Variants in PRKG1 observed in about 807,000 individuals in gnomAD.
PRKG1 encodes the protein cGMP-dependent protein kinase 1.
PRKG1 carries 35 observed loss-of-function variants against 88.1 expected under a neutral mutation model. The ratio of observed to expected loss-of-function variants is 0.40; its 90% confidence interval spans 0.30 to 0.53. The LOEUF is 0.53. PRKG1 is among the 20% of genes least tolerant of loss of function. The probability of loss-of-function intolerance (pLI) is 0.59; values close to 1 mark genes in which losing one functional copy is unlikely to be tolerated. For synonymous variants in PRKG1, 303 were observed against 292.5 expected (o/e 1.04, Z -0.37); for missense variants, 540 against 839.8 (o/e 0.64, Z 4.41).
intron 5 of PRKG1, among the ~76,000 whole-genome samples, chr10:52,032,793 T>C (rs866967227): frequency 6.6e-6 from 1 of 152,150 alleles, no homozygotes; most frequent in African/African-American, 2.4e-5. Context: ...AAATCTGTGA[T>C]CACTACACTT....
chr10:52,060,441 A>G (rs1238373726), intron 6 of PRKG1, among the ~76,000 whole-genome samples: 1 of 151,918 alleles, frequency 6.6e-6, no homozygotes, highest in Non-Finnish European at 1.5e-5. Flanking sequence ...CACCATAAAG[A>G]TGATTTAGAC....
chr10:52,059,517 T>A (rs150565186), intron 6 of PRKG1, among the ~76,000 whole-genome samples: 90 of 151,484 alleles, frequency 5.9e-4, no homozygotes, highest in African/African-American at 2.0e-3. Flanking sequence ...TAATGCTGAG[T>A]AAGAAAAAAA....
chr10:51,303,174 A>G (rs1840938318), intron 2 of PRKG1, among the ~76,000 whole-genome samples: 1 of 152,180 alleles, frequency 6.6e-6, no homozygotes, highest in Non-Finnish European at 1.5e-5. Context: ...TATTAACAAA[A>G]TACCATTCTC....
chr10:52,161,871 G>A lies in PRKG1; in HGVS notation c.1002-18G>A, dbSNP rs770308102. 6 of 1,610,010 alleles carry A rather than the reference G, an allele frequency of 3.7e-6. No homozygotes were observed. The Admixed American group carries it at 1.0e-4, about 27-fold the overall frequency. On this transcript the variant is annotated intron_variant, in intron 8 of 17. Coordinates refer to ENST00000373980, the MANE Select transcript of PRKG1 (RefSeq NM_006258.4). ...TATTTTGTAGAAGATTAATCACTGT[G>A]CTTTTTTCGTCTGACAGCTCTTTTA...
At chr10:51,440,208 T>A (rs1839060750) in intron 2 of PRKG1, among the ~76,000 whole-genome samples, 1 of 151,790 alleles carries the variant, frequency 6.6e-6, no homozygotes, top group African/African-American at 2.4e-5. Flanking sequence ...TTGATTTTTT[T>A]TTTAAGTAAA....
chr10:51,752,224 T>G (rs1043172985), intron 3 of PRKG1, among the ~76,000 whole-genome samples: 3 of 152,202 alleles, frequency 2.0e-5, no homozygotes, highest in Admixed American at 2.0e-4. Context: ...TTAGTACTTG[T>G]GTCACTTCTC....
At chr10:51,053,781 T>G (rs1460314601) in intron 1 of PRKG1, among the ~76,000 whole-genome samples, 1 of 92,424 alleles carries the variant, frequency 1.1e-5, no homozygotes, top group Non-Finnish European at 2.7e-5. Flanking sequence ...TTTTTTTGTT[T>G]TTTTTTTTTT....
At chr10:51,936,091 C>T (rs1235934336) in intron 5 of PRKG1, among the ~76,000 whole-genome samples, 1 of 151,802 alleles carries the variant, frequency 6.6e-6, no homozygotes, top group Non-Finnish European at 1.5e-5. Context: ...CCTTGTTTCC[C>T]TCCCTTTTTA....
chr10:51,891,794 A>G (rs1347901519), intron 4 of PRKG1, among the ~76,000 whole-genome samples: 2 of 152,232 alleles, frequency 1.3e-5, no homozygotes, highest in Non-Finnish European at 2.9e-5. Flanking sequence ...ATATTTCAAT[A>G]AAATTTGATT....
At chr10:50,996,290 A>G (rs1362480995) in intron 1 of PRKG1, among the ~76,000 whole-genome samples, 2 of 152,210 alleles carry the variant, frequency 1.3e-5, no homozygotes, top group Non-Finnish European at 2.9e-5. Flanking sequence ...TGTCACTACT[A>G]GGAAATGCCA....
chr10:52,035,175 C>CAG, intron 5 of PRKG1, among the ~76,000 whole-genome samples: 1 of 152,180 alleles, frequency 6.6e-6, no homozygotes, highest in East Asian at 1.9e-4. Context: ...GTGGCCTTCT[C>CAG]AGACCCTGTA....
intron 2 of PRKG1, among the ~76,000 whole-genome samples, chr10:51,344,031 C>A (rs1236053136): frequency 6.6e-6 from 1 of 152,136 alleles, no homozygotes; most frequent in Non-Finnish European, 1.5e-5. Context: ...ATGTTGTGGA[C>A]TCTGTATTAG....
chr10:52,171,990 G>A (rs1425430433), intron 9 of PRKG1, among the ~76,000 whole-genome samples: 1 of 150,018 alleles, frequency 6.7e-6, no homozygotes, highest in Middle Eastern at 3.2e-3. Flanking sequence ...TTTTAGTAGA[G>A]GCGGGGTTTC....
At chr10:51,572,217 A>G (rs531552205) in intron 3 of PRKG1, among the ~76,000 whole-genome samples, 2 of 151,938 alleles carry the variant, frequency 1.3e-5, no homozygotes, top group Admixed American at 1.3e-4. Flanking sequence ...AATCTGAGCT[A>G]TTTATCAGAA....
At chr10:51,670,752 ATAAAT>A (rs1564599562) in intron 3 of PRKG1, among the ~76,000 whole-genome samples, 15 of 79,952 alleles carry the variant, frequency 1.9e-4, no homozygotes, top group African/African-American at 5.1e-4. Flanking sequence ...AAATAAATAA[ATAAAT>A]AAATAAATAA....
chr10:51,367,562 T>A (rs995974482), intron 2 of PRKG1, among the ~76,000 whole-genome samples: 4 of 151,966 alleles, frequency 2.6e-5, no homozygotes, highest in Admixed American at 2.0e-4. Context: ...TGATAGATAC[T>A]ATGTTTTCCT....
intron 3 of PRKG1, among the ~76,000 whole-genome samples, chr10:51,670,502 C>T (rs1231308061): frequency 6.6e-6 from 1 of 150,530 alleles, no homozygotes; most frequent in Non-Finnish European, 1.5e-5. Context: ...TTTGGGAGGC[C>T]GAGGCGGGCA....
chr10:51,412,222 A>AGG (rs1838113610), intron 2 of PRKG1, among the ~76,000 whole-genome samples: 1 of 143,782 alleles, frequency 7.0e-6, no homozygotes, highest in Non-Finnish European at 1.5e-5. Flanking sequence ...AGAAAGAAAG[A>AGG]GAGAAAGAAT....
In PRKG1 at chr10:51,421,197, G is replaced by T. The variant is rs537221943; in HGVS notation, c.479-46526G>T. ...GTTTGTTTGTTTGTTTTAGAAACAGGGTCTTGTTCTGTCACCCAGGTTGGA... is the reference window on the plus strand; with the variant it reads ...GTTTGTTTGTTTGTTTTAGAAACAGTGTCTTGTTCTGTCACCCAGGTTGGA... On this transcript the variant is annotated intron_variant, in intron 2 of 17. Coordinates refer to ENST00000373980, the MANE Select transcript of PRKG1 (RefSeq NM_006258.4). Among the ~76,000 whole-genome samples, 9 of 152,086 alleles carry T rather than the reference G, an allele frequency of 5.9e-5. No individual in the cohort carries two copies. In the South Asian group the frequency reaches 1.9e-3, roughly 32 times the overall value.
Sources: allele counts gnomAD v4.1 joint callset (sites outside exome capture counted in the v4.1 genomes callset), GRCh38; gene constraint gnomAD v4.1.1; transcripts MANE v1.5; gene names NCBI Gene and HGNC (gene_info 2026-07-23, HGNC 2026-07-21).